ZDHHC21: variants seen among roughly 807,000 people sequenced by gnomAD.
The protein encoded by ZDHHC21 is zDHHC palmitoyltransferase 21.
In ZDHHC21, 15 loss-of-function variants were observed where a neutral mutation model predicts 34.6. That is an observed-to-expected ratio of 0.43 (90% CI 0.29 to 0.67). ZDHHC21 has a LOEUF of 0.67. Ranked by LOEUF, ZDHHC21 falls within the 30% of genes least tolerant of loss-of-function variation. The pLI is 0.14. For missense variants in ZDHHC21, 344 were observed against 327.7 expected (o/e 1.05, Z -0.38); for synonymous variants, 142 against 101.8 (o/e 1.40, Z -2.38).
In ZDHHC21 at chr9:14,618,746, T is replaced by A. The variant is rs1824710985; in HGVS notation, c.*220A>T. ...ATTTCAAGAAATCCCTGTGGAAAGC[T>A]AATTTGAAAGTAAACATGCTTTAAA... On this transcript the variant is annotated 3_prime_UTR_variant, in exon 10 of 10. Transcript: ENST00000380916. 1 of 400,766 alleles carries A rather than the reference T, an allele frequency of 2.5e-6. No individual in the cohort carries two copies. The highest frequency in any genetic ancestry group is 2.1e-5 in the African/African-American group (1 of 48,540). 24.8% of individuals were successfully genotyped at this position (400,766 alleles called of 1,614,324 possible). A position where few individuals can be genotyped will look rare whatever the true frequency, so the allele number is the denominator to read the frequency against.
chr9:14,684,023 A>G (rs1837849457), intron 2 of ZDHHC21, among the ~76,000 whole-genome samples: 1 of 152,228 alleles, frequency 6.6e-6, no homozygotes, highest in Non-Finnish European at 1.5e-5. Flanking sequence ...ATAAACTCTT[A>G]ATAAATTAGG....
intron 8 of ZDHHC21, among the ~76,000 whole-genome samples, chr9:14,634,293 A>T (rs1281192337): frequency 6.6e-6 from 1 of 152,144 alleles, no homozygotes; most frequent in Non-Finnish European, 1.5e-5. Context: ...TACTATTGCC[A>T]TTACCCACGC....
Position 14,617,954 on chromosome 9 carries a change from T to C in ZDHHC21, c.*1012A>G, listed in dbSNP as rs1390728988. The C allele has an allele frequency of 6.6e-6, 1 of 152,202 alleles. No individual in the cohort carries two copies. Among genetic ancestry groups the C allele is most frequent in the Non-Finnish European group, 1.5e-5 (1 of 67,948 alleles). 9.4% of individuals were successfully genotyped at this position (152,202 alleles called of 1,614,324 possible). A position where few individuals can be genotyped will look rare whatever the true frequency, so the allele number is the denominator to read the frequency against. On this transcript the variant is annotated 3_prime_UTR_variant, in exon 10 of 10. Transcript: ENST00000380916. The stretch of plus-strand genomic sequence containing the variant: ...ATTTCTATATGAGTTGGCCAATATA[T>C]ATAAACCTTCAATGTGAAATTTTAC...
At chr9:14,628,166 T>C (rs1403626666) in intron 8 of ZDHHC21, among the ~76,000 whole-genome samples, 1 of 152,130 alleles carries the variant, frequency 6.6e-6, no homozygotes, top group Non-Finnish European at 1.5e-5. Context: ...AACAGAAACA[T>C]CTGGTTGTGT....
At chr9:14,669,903 T>C (rs1002376988) in intron 5 of ZDHHC21, among the ~76,000 whole-genome samples, 2 of 144,432 alleles carry the variant, frequency 1.4e-5, no homozygotes, top group Non-Finnish European at 3.0e-5. Context: ...TACCTAATGC[T>C]AGATGACGAG....
intron 2 of ZDHHC21, among the ~76,000 whole-genome samples, chr9:14,684,729 G>A (rs1211720844): frequency 1.3e-5 from 2 of 150,778 alleles, no homozygotes; most frequent in Admixed American, 6.6e-5. Context: ...AACCAAAAAA[G>A]AACCCGCATT....
intron 7 of ZDHHC21, among the ~76,000 whole-genome samples, chr9:14,650,686 T>C (rs7851730): frequency 0.22 from 33,685 of 151,902 alleles, 4,083 homozygotes; most frequent in South Asian, 0.36. Context: ...GCCAAAAGGC[T>C]AGGCAAATAA....
intron 1 of ZDHHC21, 52 bp downstream of exon 1, chr9:14,693,177 G>A (rs1429656604): frequency 1.8e-5 from 5 of 274,560 alleles, no homozygotes; most frequent in Non-Finnish European, 2.8e-5. Context: ...TGGGGGTGCG[G>A]ATGGGGATGG....
At chr9:14,671,632 G>A (rs934527757) in intron 5 of ZDHHC21, among the ~76,000 whole-genome samples, 1 of 151,978 alleles carries the variant, frequency 6.6e-6, no homozygotes, top group African/African-American at 2.4e-5. Context: ...AATTTCCACT[G>A]TAATGCTATG....
intron 5 of ZDHHC21, 43 bp from the exon 6 acceptor site, chr9:14,662,369 G>A (rs778986363): frequency 1.4e-6 from 2 of 1,436,646 alleles, no homozygotes; most frequent in Non-Finnish European, 1.9e-6. Flanking sequence ...AGGCAAGTGG[G>A]TAATGCTGAA....
In ZDHHC21 at chr9:14,662,266, T is replaced by C; in HGVS notation, c.314A>G (p.His105Arg). ...CACACAGTGGCCGCAGCGGCTACAG[T>C]GATGGGAACGCTTTGGTCTCATCAA... ...CNLMRPKRSH[H>R]CSRCGHCVRR... Residue 105 changes from histidine to arginine, a missense_variant, in exon 6 of 10, where the codon CAC becomes CGC. By Grantham distance (29) the His-to-Arg change is conservative (BLOSUM62 0). Transcript: ENST00000380916. The C allele has an allele frequency of 6.2e-7, 1 of 1,613,152 alleles. No homozygotes were observed. The highest frequency in any genetic ancestry group is 8.5e-7 in the Non-Finnish European group (1 of 1,179,634).
intron 7 of ZDHHC21, among the ~76,000 whole-genome samples, chr9:14,653,340 T>A (rs1431412304): frequency 6.6e-6 from 1 of 152,006 alleles, no homozygotes; most frequent in African/African-American, 2.4e-5. Context: ...ATTATTTTTT[T>A]AAATGTCAAT....
chr9:14,606,322 C>G (rs1018557107), downstream of ZDHHC21, among the ~76,000 whole-genome samples: 1 of 152,134 alleles, frequency 6.6e-6, no homozygotes, highest in African/African-American at 2.4e-5. Flanking sequence ...GACATAGTTT[C>G]TTTCTGGTTG....
chr9:14,686,715 G>C (rs1838376155), intron 2 of ZDHHC21, among the ~76,000 whole-genome samples: 1 of 152,094 alleles, frequency 6.6e-6, no homozygotes, highest in Non-Finnish European at 1.5e-5. Flanking sequence ...GCTCATGCCT[G>C]TAATCCCAGC....
intron 4 of ZDHHC21, 57 bp from the exon 5 acceptor site, chr9:14,672,985 A>G: frequency 9.0e-7 from 1 of 1,114,920 alleles, no homozygotes; most frequent in African/African-American, 1.6e-5. Context: ...CATTTTATCA[A>G]CAATCATATT....
In ZDHHC21 at chr9:14,618,868, G is replaced by T. The variant is rs1377331702; in HGVS notation, c.*98C>A. 4 of 1,343,084 alleles carry T rather than the reference G, an allele frequency of 3.0e-6. No individual in the cohort carries two copies. The East Asian group carries it at 7.9e-5, about 27-fold the overall frequency. The allele number at this position is 1,343,084 out of a possible 1,614,324, so 83.2% of individuals were successfully genotyped here. A position where few individuals can be genotyped will look rare whatever the true frequency, so the allele number is the denominator to read the frequency against. On this transcript the variant is annotated 3_prime_UTR_variant, in exon 10 of 10. Coordinates refer to ENST00000380916, the MANE Select transcript of ZDHHC21 (RefSeq NM_178566.6). ...TTATGATGCCTAAGACTGGTGGGTG[G>T]ATTTTAATTGACTTGAAGACTGTCA...
chr9:14,635,440 A>T (rs2133641665), intron 8 of ZDHHC21, among the ~76,000 whole-genome samples: 1 of 152,360 alleles, frequency 6.6e-6, no homozygotes, highest in East Asian at 1.9e-4. Context: ...CAAGAAAGAA[A>T]GCATCAAGTC....
the ZDHHC21 span, among the ~76,000 whole-genome samples, chr9:14,596,474 G>C: frequency 1.3e-5 from 2 of 152,230 alleles, no homozygotes; most frequent in Admixed American, 1.3e-4. Context: ...CATGCTGCTT[G>C]TGTGTGTTGT....
At chr9:14,662,104 A>T in intron 6 of ZDHHC21, 111 bp downstream of exon 6, 1 of 618,624 alleles carries the variant, frequency 1.6e-6, no homozygotes, top group Non-Finnish European at 2.6e-6. Flanking sequence ...TTATTAAGAT[A>T]TTGTAAAACT....
Sources: gnomAD v4.1 joint callset for allele counts (sites outside exome capture counted in the v4.1 genomes callset) on GRCh38, gnomAD v4.1.1 for gene constraint, MANE v1.5 for transcripts, NCBI Gene and HGNC (gene_info 2026-07-23, HGNC 2026-07-21) for gene names.